NYAP2: variants seen among roughly 807,000 people sequenced by gnomAD.
NYAP2 encodes the protein neuronal tyrosine-phosphorylated phosphoinositide-3-kinase adapter 2.
In NYAP2, 23 loss-of-function variants were observed where a neutral mutation model predicts 50.4. The ratio of observed to expected loss-of-function variants is 0.46; its 90% CI spans 0.33 to 0.65. The LOEUF (loss-of-function observed/expected upper bound fraction) is 0.65, where lower values mean the gene tolerates loss of function less well. NYAP2 is among the 30% of genes least tolerant of loss of function. The pLI, the probability that NYAP2 is intolerant of heterozygous loss-of-function variation, is 0.02. For synonymous variants in NYAP2, 394 were observed against 365.2 expected, an observed-to-expected ratio of 1.08 and a Z score of -0.90; for missense variants, 885 against 861.0, an observed-to-expected ratio of 1.03 and a Z score of -0.35.
intron 3 of NYAP2, among the ~76,000 whole-genome samples, chr2:225,501,476 C>T (rs1690605976): frequency 6.6e-6 from 1 of 152,144 alleles, no homozygotes; most frequent in African/African-American, 2.4e-5. Context: ...TATTGGTAGC[C>T]TCTAATTTGA....
the NYAP2 span, among the ~76,000 whole-genome samples, chr2:225,681,463 T>C: frequency 4.6e-5 from 7 of 152,196 alleles, no homozygotes; most frequent in Admixed American, 4.6e-4. Flanking sequence ...TCTTAGGGCT[T>C]GTGGATGGGT....
intron 3 of NYAP2, among the ~76,000 whole-genome samples, chr2:225,446,246 CTATATATATATATA>C (rs58633886): frequency 0.025 from 2,031 of 82,196 alleles, 58 homozygotes; most frequent in African/African-American, 0.058. Context: ...CTCTCTCTCT[CTATATATATATATA>C]TATATATATA....
intron 3 of NYAP2, among the ~76,000 whole-genome samples, chr2:225,413,181 T>C (rs1037807822): frequency 1.3e-5 from 2 of 152,144 alleles, no homozygotes; most frequent in Admixed American, 6.6e-5. Flanking sequence ...AAGCTTCTAG[T>C]TGTTGAGATT....
intron 3 of NYAP2, among the ~76,000 whole-genome samples, chr2:225,461,583 G>A (rs983519391): frequency 6.6e-6 from 1 of 152,196 alleles, no homozygotes; most frequent in Non-Finnish European, 1.5e-5. Flanking sequence ...GTCTTCAGAT[G>A]TCTCTGTCCT....
At chr2:225,469,036 G>C (rs1294136271) in intron 3 of NYAP2, among the ~76,000 whole-genome samples, 3 of 152,122 alleles carry the variant, frequency 2.0e-5, no homozygotes, top group Admixed American at 2.0e-4. Context: ...TTAAACTAAA[G>C]AGCTTCTGCA....
At chr2:225,553,176 G>A (rs955575824) in intron 4 of NYAP2, among the ~76,000 whole-genome samples, 3 of 152,216 alleles carry the variant, frequency 2.0e-5, no homozygotes, top group African/African-American at 7.2e-5. Context: ...TGCTAATTCT[G>A]AAACATAAAG....
At chr2:225,403,071 G>T (rs1273962664) in intron 2 of NYAP2, among the ~76,000 whole-genome samples, 1 of 151,896 alleles carries the variant, frequency 6.6e-6, no homozygotes, top group Non-Finnish European at 1.5e-5. Context: ...ACATGCAAAA[G>T]TTGTAAAAGA....
rs556368547 is a variant in NYAP2, at chr2:225,547,904, T to C, written c.524-34037T>C. 8.5e-5 allele frequency among the ~76,000 whole-genome samples: 13 copies of C among 152,358 alleles called. No individual in the cohort carries two copies. The South Asian group carries it at 1.2e-3, about 15-fold the overall frequency. The stretch of plus-strand genomic sequence containing the variant: ...TAGCCATCTTGCTCCACCCTCAAGC[T>C]GTATATTCTTGAAGGTCTTCCTGTT... On this transcript the variant is annotated intron_variant, in intron 4 of 6. Coordinates refer to ENST00000636099, the Ensembl canonical transcript of NYAP2.
chr2:225,410,939 T>C (rs912222303), intron 3 of NYAP2, among the ~76,000 whole-genome samples: 61 of 152,140 alleles, frequency 4.0e-4, no homozygotes, highest in African/African-American at 1.4e-3. Flanking sequence ...GTGTGAACTT[T>C]GAGTTGATTC....
At chr2:225,700,884 G>A in the NYAP2 span, 2 of 151,850 alleles carry the variant, frequency 1.3e-5, no homozygotes, top group Admixed American at 1.3e-4. Context: ...AAAATGATCT[G>A]TGTTGGATTA....
intron 4 of NYAP2, among the ~76,000 whole-genome samples, chr2:225,538,263 A>C (rs1691385915): frequency 6.6e-6 from 1 of 152,010 alleles, no homozygotes; most frequent in Non-Finnish European, 1.5e-5. Flanking sequence ...GGGGGCTCCA[A>C]CCCCACATTT....
In NYAP2 at chr2:225,593,164, T is replaced by G. The variant is rs1574698661; in HGVS notation, c.1618+10129T>G. 2.0e-5 allele frequency among the ~76,000 whole-genome samples: 3 copies of G among 152,224 alleles called. No homozygotes were observed. The South Asian group carries it at 6.2e-4, about 31-fold the overall frequency. ...ACTGGCTACATCATGTTACCCTCAGTGTGTCCCACATTCTAATTAAATATG... is the reference window on the plus strand; with the variant it reads ...ACTGGCTACATCATGTTACCCTCAGGGTGTCCCACATTCTAATTAAATATG... On this transcript the variant is annotated intron_variant, in intron 5 of 6. Transcript: ENST00000636099.
intron 5 of NYAP2, among the ~76,000 whole-genome samples, chr2:225,611,867 G>GAT (rs202136778): frequency 0.036 from 5,312 of 146,888 alleles, 332 homozygotes; most frequent in African/African-American, 0.13. Flanking sequence ...TATAGAGAGA[G>GAT]ATATATATAT....
At chr2:225,573,808 G>C (rs781208259) in intron 4 of NYAP2, among the ~76,000 whole-genome samples, 2 of 152,164 alleles carry the variant, frequency 1.3e-5, no homozygotes, top group Non-Finnish European at 2.9e-5. Flanking sequence ...TCTCAAGATA[G>C]AGGAAGTGAA....
At chr2:225,478,196 T>G (rs1410395098) in intron 3 of NYAP2, among the ~76,000 whole-genome samples, 1 of 152,076 alleles carries the variant, frequency 6.6e-6, no homozygotes, top group Non-Finnish European at 1.5e-5. Context: ...GGGTAAGTGG[T>G]AAGCACCTAT....
rs1256790389 is a variant in NYAP2, at chr2:225,644,067, A to C, written c.1829-7365A>C. 2.0e-5 allele frequency among the ~76,000 whole-genome samples: 3 copies of C among 149,418 alleles called. No individual in the cohort carries two copies. The South Asian group carries it at 6.4e-4, about 32-fold the overall frequency. On this transcript the variant is annotated intron_variant, in intron 6 of 6. Transcript: ENST00000636099. ...TAGTTTACAGTCCCACCAACAGTGT[A>C]AAAGTGTTCCTATTTCTCCACATCC...
intron 5 of NYAP2, among the ~76,000 whole-genome samples, chr2:225,617,956 G>A (rs1431086): frequency 0.1 from 15,955 of 152,218 alleles, 952 homozygotes; most frequent in South Asian, 0.13. Flanking sequence ...GAGTACCAAT[G>A]TGAAAGATGT....
At chr2:225,601,791 C>T (rs1047589140) in intron 5 of NYAP2, among the ~76,000 whole-genome samples, 1 of 151,892 alleles carries the variant, frequency 6.6e-6, no homozygotes, top group Non-Finnish European at 1.5e-5. Flanking sequence ...TATATTAATC[C>T]CTTATCAGAT....
chr2:225,594,129 A>G (rs1692558020), intron 5 of NYAP2, among the ~76,000 whole-genome samples: 2 of 152,222 alleles, frequency 1.3e-5, no homozygotes, highest in Non-Finnish European at 2.9e-5. Context: ...GTTTGTAGAA[A>G]GAAAGATACC....
Sources: gnomAD v4.1 joint callset for allele counts (sites outside exome capture counted in the v4.1 genomes callset) on GRCh38, gnomAD v4.1.1 for gene constraint, MANE v1.5 for transcripts, NCBI Gene and HGNC (gene_info 2026-07-23, HGNC 2026-07-21) for gene names.